Variants in CLMN observed in about 807,000 individuals in gnomAD.
The protein encoded by CLMN is calmin (calponin-like, transmembrane).
CLMN carries 57 observed loss-of-function variants against 92.7 expected under a neutral mutation model. That is an observed-to-expected ratio of 0.61 (90% CI 0.50 to 0.77). The LOEUF is 0.77. CLMN is among the 30% of genes least tolerant of loss of function. CLMN has a pLI of 0.00. For synonymous variants in CLMN, 466 were observed against 470.6 expected (o/e 0.99, Z 0.13); for missense variants, 1,158 against 1,237.5 (o/e 0.94, Z 0.96).
chr14:95,299,721 C>T (rs977579534), intron 1 of CLMN, among the ~76,000 whole-genome samples: 1 of 152,218 alleles, frequency 6.6e-6, no homozygotes, highest in African/African-American at 2.4e-5. Context: ...CACCACCTCC[C>T]ACTTGGATTT....
At chr14:95,302,281 C>T (rs946007068) in intron 1 of CLMN, among the ~76,000 whole-genome samples, 1 of 151,502 alleles carries the variant, frequency 6.6e-6, no homozygotes, top group African/African-American at 2.4e-5. Flanking sequence ...GCCTGGGCAA[C>T]AGAGTGAGAC....
At chr14:95,274,856 G>A (rs1899862609) in intron 1 of CLMN, among the ~76,000 whole-genome samples, 1 of 152,018 alleles carries the variant, frequency 6.6e-6, no homozygotes, top group Non-Finnish European at 1.5e-5. Flanking sequence ...GCAGGCGCCT[G>A]TAGTCCTAGC....
rs569523415 is a variant in CLMN at position 95,194,702 on chromosome 14, C to G, written c.2709-106G>C. ...GTTTCCACGTATGGGTTTAGGCAAG[C>G]GACAACTTCACAGCCAGGGACAGAA... On this transcript the variant is annotated intron_variant, in intron 10 of 12. Coordinates refer to ENST00000298912, the MANE Select transcript of CLMN (RefSeq NM_024734.4). The surrounding 1 kb of genome is among the most constrained non-coding windows in gnomAD (Gnocchi z 4.0). 14 of 972,412 alleles carry G rather than the reference C, an allele frequency of 1.4e-5. No individual in the cohort carries two copies. Among genetic ancestry groups the G allele is most frequent in the Non-Finnish European group, 1.3e-5 (8 of 608,888 alleles). The allele number at this position is 972,412 out of a possible 1,614,324, so 60.2% of individuals were successfully genotyped here.
intron 1 of CLMN, among the ~76,000 whole-genome samples, chr14:95,255,654 C>T (rs1400654719): frequency 6.6e-6 from 1 of 152,124 alleles, no homozygotes; most frequent in Non-Finnish European, 1.5e-5. Flanking sequence ...TGATTTCCAT[C>T]GGGTCACCTT....
At chr14:95,255,957 C>T (rs975127208) in intron 1 of CLMN, among the ~76,000 whole-genome samples, 1 of 152,214 alleles carries the variant, frequency 6.6e-6, no homozygotes, top group Non-Finnish European at 1.5e-5. Flanking sequence ...AGTATAAGCT[C>T]TTTGCCTAAA....
intron 1 of CLMN, among the ~76,000 whole-genome samples, chr14:95,275,197 C>A (rs113464291): frequency 6.6e-6 from 1 of 151,902 alleles, no homozygotes; most frequent in African/African-American, 2.4e-5. Context: ...TGAATAGGGG[C>A]TGGGTAAAAT....
At chr14:95,227,517 A>G (rs1006053005) in intron 2 of CLMN, among the ~76,000 whole-genome samples, 2 of 152,194 alleles carry the variant, frequency 1.3e-5, no homozygotes, top group Admixed American at 6.5e-5. Flanking sequence ...TGATAAATGG[A>G]CTAACAACAT....
intron 1 of CLMN, among the ~76,000 whole-genome samples, chr14:95,245,177 T>TATATAATATATATATATA (rs1898417948): frequency 5.6e-5 from 2 of 35,798 alleles, no homozygotes; most frequent in African/African-American, 2.5e-4. Context: ...GGTTATATTA[T>TATATAATATATATATATA]ATATATATAT....
At chr14:95,261,995 A>C (rs1899276066) in intron 1 of CLMN, among the ~76,000 whole-genome samples, 1 of 152,212 alleles carries the variant, frequency 6.6e-6, no homozygotes, top group Non-Finnish European at 1.5e-5. Flanking sequence ...TGGGCTCAGG[A>C]GGGCCCGCAT....
chr14:95,269,764 T>C (rs1297142512), intron 1 of CLMN, among the ~76,000 whole-genome samples: 4 of 151,844 alleles, frequency 2.6e-5, no homozygotes, highest in African/African-American at 9.7e-5. Flanking sequence ...TAACCATATC[T>C]CCAGGGTCCT....
chr14:95,246,406 G>A (rs974293092), intron 1 of CLMN, among the ~76,000 whole-genome samples: 1 of 152,146 alleles, frequency 6.6e-6, no homozygotes, highest in Non-Finnish European at 1.5e-5. Flanking sequence ...CCACTTAATG[G>A]GCCGTGGGGC....
intron 1 of CLMN, among the ~76,000 whole-genome samples, chr14:95,289,024 G>T (rs978359245): frequency 3.3e-5 from 5 of 152,160 alleles, no homozygotes; most frequent in African/African-American, 1.2e-4. Context: ...TCACAATAGG[G>T]GTTACCGCTG....
intron 1 of CLMN, among the ~76,000 whole-genome samples, chr14:95,234,340 C>T (rs1056880786): frequency 2.0e-5 from 3 of 152,338 alleles, no homozygotes; most frequent in African/African-American, 4.8e-5. Flanking sequence ...CGAAGGTCTG[C>T]GGCTCTTTCA....
Position 95,191,067 on chromosome 14 carries a change from G to C in CLMN, c.*497C>G, listed in dbSNP as rs1358363899. ...AACCAGTTACCGGACTGCGACAGGT[G>C]CATGGACCCCAGCACCTTCTCTCAA... On this transcript the variant is annotated 3_prime_UTR_variant, in exon 13 of 13. Coordinates refer to ENST00000298912, the MANE Select transcript of CLMN (RefSeq NM_024734.4). The surrounding 1 kb of genome is among the most constrained non-coding windows in gnomAD (Gnocchi z 5.3). 6.6e-6 allele frequency: 1 copy of C among 152,528 alleles called. No homozygotes were observed. Among genetic ancestry groups the C allele is most frequent in the Non-Finnish European group, 1.5e-5 (1 of 68,306 alleles). The allele number at this position is 152,528 out of a possible 1,614,324, so 9.4% of individuals were successfully genotyped here.
chr14:95,266,090 T>C (rs541674719), intron 1 of CLMN, among the ~76,000 whole-genome samples: 247 of 152,348 alleles, frequency 1.6e-3, no homozygotes, highest in Non-Finnish European at 2.6e-3. Context: ...TACAAATGCG[T>C]ATCTAAAAGT....
chr14:95,257,745 C>T (rs1221819450), intron 1 of CLMN, among the ~76,000 whole-genome samples: 2 of 152,232 alleles, frequency 1.3e-5, no homozygotes, highest in Non-Finnish European at 2.9e-5. Context: ...TTGTCTCTGC[C>T]GCATCTCAGC....
chr14:95,213,033 C>T (rs1004460527), intron 6 of CLMN, among the ~76,000 whole-genome samples, 186 bp downstream of exon 6: 6 of 152,286 alleles, frequency 3.9e-5, no homozygotes, highest in Non-Finnish European at 7.4e-5. Context: ...GTGATCCACT[C>T]GCCTCGGCCT....
At chr14:95,278,629 A>C (rs1900025748) in intron 1 of CLMN, among the ~76,000 whole-genome samples, 1 of 152,138 alleles carries the variant, frequency 6.6e-6, no homozygotes, top group African/African-American at 2.4e-5. Context: ...ACCTTTTTTA[A>C]TTTTTTAGGG....
Position 95,210,724 on chromosome 14 carries a change from T to C in CLMN, c.764A>G (p.Gln255Arg), listed in dbSNP as rs367892755. Residue 255 changes from glutamine to arginine, a missense_variant, in exon 7 of 13, where the codon CAG becomes CGG. By Grantham distance (43) the Gln-to-Arg change is conservative. Transcript: ENST00000298912. Reference sequence around the variant, plus strand: ...GAGCCTGGGGATGTGCAGGGCATCCTGTGCGATGCTGAAAGCCTTCTCTAG... The same window carrying C: ...GAGCCTGGGGATGTGCAGGGCATCCCGTGCGATGCTGAAAGCCTTCTCTAG... ...ENLEKAFSIA[Q>R]DALHIPRLLE... 48 of 1,610,010 alleles carry C rather than the reference T, an allele frequency of 3.0e-5. No individual in the cohort carries two copies. The African/African-American group carries it at 4.2e-4, about 14-fold the overall frequency.
Sources: gnomAD v4.1 joint callset for allele counts (sites outside exome capture counted in the v4.1 genomes callset) on GRCh38, gnomAD v4.1.1 for gene constraint, Gnocchi (gnomAD v3.1) non-coding constraint, MANE v1.5 for transcripts, NCBI Gene and HGNC (gene_info 2026-07-23, HGNC 2026-07-21) for gene names.